Variants in HHAT observed in about 807,000 individuals in gnomAD.
HHAT encodes the protein hedgehog acyltransferase.
A neutral mutation model predicts 70.8 loss-of-function variants in HHAT; 47 were observed. That is an observed-to-expected ratio of 0.66 (90% CI 0.53 to 0.85). The LOEUF is 0.85. Ranked by LOEUF, HHAT falls within the 40% of genes least tolerant of loss-of-function variation. The pLI, the probability that HHAT is intolerant of heterozygous loss-of-function variation, is 0.00. For synonymous variants in HHAT, 228 were observed against 247.6 expected (o/e 0.92, Z 0.74); for missense variants, 609 against 604.8 (o/e 1.01, Z -0.07).
intron 10 of HHAT, among the ~76,000 whole-genome samples, chr1:210,600,348 C>A (rs1173124552): frequency 6.6e-6 from 1 of 152,032 alleles, no homozygotes; most frequent in East Asian, 1.9e-4. Context: ...ACTTAGGCAG[C>A]AACATGAAGA....
chr1:210,395,912 T>C (rs1572135699), intron 4 of HHAT, among the ~76,000 whole-genome samples: 2 of 152,316 alleles, frequency 1.3e-5, no homozygotes, highest in Non-Finnish European at 2.9e-5. Flanking sequence ...ACACGTGATA[T>C]ATGCTAGGCA....
intron 11 of HHAT, among the ~76,000 whole-genome samples, chr1:210,640,533 GAC>G (rs1558333958): frequency 1.3e-5 from 2 of 150,276 alleles, no homozygotes; most frequent in Admixed American, 6.6e-5. Context: ...ATGCTATGTG[GAC>G]ACAGTTTTTT....
intron 2 of HHAT, among the ~76,000 whole-genome samples, chr1:210,349,931 G>A (rs952370512): frequency 2.6e-5 from 4 of 152,156 alleles, no homozygotes; most frequent in Non-Finnish European, 4.4e-5. Flanking sequence ...GATTACAGGC[G>A]TGAGCCACTG....
At chr1:210,481,839 T>C in intron 8 of HHAT, among the ~76,000 whole-genome samples, 1 of 152,208 alleles carries the variant, frequency 6.6e-6, no homozygotes, top group South Asian at 2.1e-4. Context: ...GAAGGTGATA[T>C]CTGATGAAGA....
chr1:210,605,479 C>T (rs920549043), intron 10 of HHAT, among the ~76,000 whole-genome samples: 4 of 152,132 alleles, frequency 2.6e-5, no homozygotes, highest in Admixed American at 1.3e-4. Context: ...ACATGGGTTT[C>T]GATTGTGTCT....
intron 6 of HHAT, among the ~76,000 whole-genome samples, chr1:210,414,344 G>C (rs536667243): frequency 2.6e-5 from 4 of 152,196 alleles, no homozygotes; most frequent in African/African-American, 9.6e-5. Context: ...ATTTTAGTGG[G>C]GCACAAACAT....
intron 8 of HHAT, among the ~76,000 whole-genome samples, chr1:210,470,614 T>A (rs2094187347): frequency 6.6e-6 from 1 of 152,228 alleles, no homozygotes; most frequent in South Asian, 2.1e-4. Flanking sequence ...ACAGATAGTG[T>A]GTCCTCTTCT....
intron 9 of HHAT, among the ~76,000 whole-genome samples, chr1:210,559,564 A>C (rs2095602745): frequency 6.6e-6 from 1 of 152,244 alleles, no homozygotes; most frequent in Non-Finnish European, 1.5e-5. Context: ...ATTTGGACAC[A>C]GGACTGTCTG....
intron 3 of HHAT, among the ~76,000 whole-genome samples, chr1:210,383,304 C>T (rs1033485523): frequency 1.3e-5 from 2 of 151,998 alleles, no homozygotes; most frequent in South Asian, 2.1e-4. Flanking sequence ...TGTGCTATTG[C>T]ACTCCGGCCT....
At chr1:210,374,933 C>T (rs1252461061) in intron 3 of HHAT, among the ~76,000 whole-genome samples, 3 of 151,886 alleles carry the variant, frequency 2.0e-5, no homozygotes, top group Admixed American at 6.6e-5. Flanking sequence ...CCTTACCAGT[C>T]CTCCCTGCCA....
intron 8 of HHAT, among the ~76,000 whole-genome samples, chr1:210,484,162 G>A (rs1443825619): frequency 6.6e-6 from 1 of 152,212 alleles, no homozygotes; most frequent in Non-Finnish European, 1.5e-5. Flanking sequence ...ATTTCTCACA[G>A]AGAATAGAAT....
At chr1:210,598,886 T>G (rs1663614507) in intron 10 of HHAT, among the ~76,000 whole-genome samples, 1 of 152,230 alleles carries the variant, frequency 6.6e-6, no homozygotes, top group South Asian at 2.1e-4. Flanking sequence ...TGGTGAAGGC[T>G]TCTATTTGGC....
At chr1:210,666,198 G>A (rs1165882895) in intron 11 of HHAT, among the ~76,000 whole-genome samples, 1 of 152,222 alleles carries the variant, frequency 6.6e-6, no homozygotes. Flanking sequence ...CTCTGATGGG[G>A]TAATTGATAG....
At chr1:210,371,001 C>A (rs1488164363) in intron 3 of HHAT, among the ~76,000 whole-genome samples, 1 of 152,144 alleles carries the variant, frequency 6.6e-6, no homozygotes, top group Non-Finnish European at 1.5e-5. Flanking sequence ...ATTTTTCCTA[C>A]CTGTCCGCAA....
intron 3 of HHAT, among the ~76,000 whole-genome samples, chr1:210,380,278 C>T (rs1054783494): frequency 5.3e-5 from 8 of 152,136 alleles, no homozygotes; most frequent in East Asian, 1.9e-4. Flanking sequence ...TGGTGGCTCA[C>T]GCCTATAATC....
At chr1:210,387,286 A>G (rs1205100614) in intron 3 of HHAT, among the ~76,000 whole-genome samples, 182 bp from the exon 4 acceptor site, 1 of 152,132 alleles carries the variant, frequency 6.6e-6, no homozygotes, top group East Asian at 1.9e-4. Flanking sequence ...AGTTTTTGCC[A>G]TTACTAATAG....
At chr1:210,489,982 T>C (rs537352410) in intron 8 of HHAT, among the ~76,000 whole-genome samples, 3 of 152,254 alleles carry the variant, frequency 2.0e-5, no homozygotes, top group Non-Finnish European at 2.9e-5. Context: ...CATCTTAACA[T>C]AGAGCAGCTA....
intron 11 of HHAT, among the ~76,000 whole-genome samples, chr1:210,653,961 G>GA (rs369868842): frequency 7.3e-6 from 1 of 136,878 alleles, no homozygotes; most frequent in African/African-American, 2.7e-5. Flanking sequence ...GGAATAGTGT[G>GA]ACGGGAATAG....
chr1:210,442,557 A>G (rs1336827962), intron 7 of HHAT, among the ~76,000 whole-genome samples: 1 of 151,494 alleles, frequency 6.6e-6, no homozygotes, highest in Non-Finnish European at 1.5e-5. Context: ...CTGGTGTGAG[A>G]TGGTATCTCA....
Sources: gnomAD v4.1 joint callset for allele counts (sites outside exome capture counted in the v4.1 genomes callset) on GRCh38, gnomAD v4.1.1 for gene constraint, MANE v1.5 for transcripts, NCBI Gene and HGNC (gene_info 2026-07-23, HGNC 2026-07-21) for gene names.